CLIC5: variants seen among roughly 807,000 people sequenced by gnomAD.
The protein encoded by CLIC5 is chloride intracellular channel protein 5.
A neutral mutation model predicts 24.7 loss-of-function variants in CLIC5; 20 were observed. The ratio of observed to expected loss-of-function variants is 0.81; its 90% CI spans 0.57 to 1.18. The LOEUF (loss-of-function observed/expected upper bound fraction) is 1.18, where lower values mean the gene tolerates loss of function less well. Among genes scored for constraint, CLIC5 ranks in the 50% most tolerant of loss-of-function variants. The probability of loss-of-function intolerance (pLI) is 0.00; values close to 1 mark genes in which losing one functional copy is unlikely to be tolerated. For missense variants in CLIC5, 341 were observed against 326.1 expected, an observed-to-expected ratio of 1.05 and a Z score of -0.35; for synonymous variants, 159 against 135.6, an observed-to-expected ratio of 1.17 and a Z score of -1.20.
chr6:46,082,189 G>A (rs934478749), upstream of CLIC5, among the ~76,000 whole-genome samples: 30 of 152,126 alleles, frequency 2.0e-4, no homozygotes, highest in Non-Finnish European at 1.6e-4. Flanking sequence ...ACAAAGAATA[G>A]TATACAGCAT....
chr6:46,025,630 C>A (rs2127452638), intron 1 of CLIC5, among the ~76,000 whole-genome samples: 1 of 152,260 alleles, frequency 6.6e-6, no homozygotes, highest in East Asian at 1.9e-4. Flanking sequence ...GGCTGAAGAT[C>A]AGCTGCTGAA....
chr6:46,087,050 C>A, the CLIC5 span, among the ~76,000 whole-genome samples: 1 of 152,196 alleles, frequency 6.6e-6, no homozygotes, highest in Non-Finnish European at 1.5e-5. Flanking sequence ...ATACACATCT[C>A]TTCATAAATG....
intron 1 of CLIC5, among the ~76,000 whole-genome samples, chr6:46,074,239 G>A (rs1391982188): frequency 3.9e-5 from 6 of 152,126 alleles, no homozygotes; most frequent in Non-Finnish European, 7.3e-5. Context: ...AAGGTGGTTA[G>A]ATAAAAGTTC....
At chr6:45,882,969 C>A (rs1762275809) in intron 6 of CLIC5, among the ~76,000 whole-genome samples, 2 of 152,156 alleles carry the variant, frequency 1.3e-5, no homozygotes, top group Non-Finnish European at 2.9e-5. Context: ...ACATGACCAA[C>A]CATGCAAAGT....
intron 1 of CLIC5, among the ~76,000 whole-genome samples, chr6:46,022,797 T>G (rs752976700): frequency 3.3e-5 from 5 of 152,214 alleles, no homozygotes; most frequent in Non-Finnish European, 7.4e-5. Context: ...GGGTGTCTAC[T>G]ATGTGCCAGA....
At chr6:45,929,227 T>C (rs1189535048) in intron 4 of CLIC5, among the ~76,000 whole-genome samples, 2 of 152,152 alleles carry the variant, frequency 1.3e-5, no homozygotes, top group African/African-American at 2.4e-5. Context: ...TGTTAAATTA[T>C]AAATTGGAAG....
At chr6:45,989,787 C>T (rs1209198180) in intron 1 of CLIC5, among the ~76,000 whole-genome samples, 2 of 152,106 alleles carry the variant, frequency 1.3e-5, no homozygotes, top group Non-Finnish European at 2.9e-5. Context: ...GAATAGGAGG[C>T]AATAGTGAAA....
intron 1 of CLIC5, among the ~76,000 whole-genome samples, chr6:45,969,383 C>A (rs899645769): frequency 6.6e-6 from 1 of 152,152 alleles, no homozygotes; most frequent in African/African-American, 2.4e-5. Flanking sequence ...ATTCTCAGCA[C>A]CTTACCTTAA....
chr6:46,004,785 G>GCCCT (rs1766490877), intron 1 of CLIC5, among the ~76,000 whole-genome samples: 1 of 152,148 alleles, frequency 6.6e-6, no homozygotes, highest in Non-Finnish European at 1.5e-5. Context: ...TCCCTACACA[G>GCCCT]CTCCCCTCTC....
At chr6:45,981,940 G>A (rs1418212433) in intron 1 of CLIC5, among the ~76,000 whole-genome samples, 1 of 151,734 alleles carries the variant, frequency 6.6e-6, no homozygotes, top group Non-Finnish European at 1.5e-5. Context: ...AGAGGTTGCA[G>A]TGAGCTGAGA....
chr6:45,980,453 A>G (rs1236991045), intron 1 of CLIC5, among the ~76,000 whole-genome samples: 4 of 152,074 alleles, frequency 2.6e-5, no homozygotes, highest in Non-Finnish European at 5.9e-5. Flanking sequence ...AAAACTACCT[A>G]TTGTGTACTA....
chr6:45,922,835 T>TAGAGAGAGAG (rs36124366), intron 4 of CLIC5, among the ~76,000 whole-genome samples: 1,693 of 144,372 alleles, frequency 0.012, 19 homozygotes, highest in Admixed American at 0.029. Flanking sequence ...GAGAGAGAGA[T>TAGAGAGAGAG]AGAGAGAGAG....
At chr6:45,950,864 T>A (rs1764447766) in intron 2 of CLIC5, among the ~76,000 whole-genome samples, 1 of 152,132 alleles carries the variant, frequency 6.6e-6, no homozygotes, top group Non-Finnish European at 1.5e-5. Flanking sequence ...AAAGAAGTTA[T>A]TTTTCTTTAA....
chr6:45,891,091 T>A (rs1242264554), intron 6 of CLIC5, among the ~76,000 whole-genome samples: 1 of 152,164 alleles, frequency 6.6e-6, no homozygotes, highest in Non-Finnish European at 1.5e-5. Context: ...TCACCACAAA[T>A]CAATGATTAA....
At chr6:45,905,898 G>T (rs1339444615) in intron 5 of CLIC5, among the ~76,000 whole-genome samples, 1 of 152,168 alleles carries the variant, frequency 6.6e-6, no homozygotes, top group Non-Finnish European at 1.5e-5. Flanking sequence ...TATGATGAAA[G>T]GTAGGGGTCC....
At chr6:46,023,122 C>G (rs748950127) in intron 1 of CLIC5, among the ~76,000 whole-genome samples, 19 of 152,200 alleles carry the variant, frequency 1.2e-4, no homozygotes, top group Non-Finnish European at 2.2e-4. Context: ...TCTCCTCCAT[C>G]TGGGATTTTG....
downstream of CLIC5, among the ~76,000 whole-genome samples, chr6:45,895,877 C>T (rs1468609422): frequency 1.3e-5 from 2 of 152,142 alleles, no homozygotes; most frequent in African/African-American, 4.8e-5. Context: ...TTGTATTATG[C>T]ATCTCAGCGG....
chr6:46,019,132 T>C (rs114394082), upstream of CLIC5, among the ~76,000 whole-genome samples: 2,268 of 148,920 alleles, frequency 0.015, 60 homozygotes, highest in African/African-American at 0.051. Flanking sequence ...CAAGAAATAT[T>C]CAAATAATCT....
chr6:46,112,096 A>C, the CLIC5 span, among the ~76,000 whole-genome samples: 1 of 152,248 alleles, frequency 6.6e-6, no homozygotes, highest in East Asian at 1.9e-4. Context: ...AATCTCCCTA[A>C]AATATTTCAT....
Sources: allele counts gnomAD v4.1 joint callset (sites outside exome capture counted in the v4.1 genomes callset), GRCh38; gene constraint gnomAD v4.1.1; transcripts MANE v1.5; gene names NCBI Gene and HGNC (gene_info 2026-07-23, HGNC 2026-07-21).